The following LOC122539214 variants were observed in gnomAD, a reference collection of about 807,000 sequenced individuals.
chr19:52,678,180 C>T, the LOC122539214 span, among the ~76,000 whole-genome samples: 2 of 151,874 alleles, frequency 1.3e-5, no homozygotes, highest in African/African-American at 4.8e-5. Flanking sequence ...AGGCCAGGCT[C>T]GGTGGCTCAA....
At chr19:52,681,844 CCTT>C in the LOC122539214 span, among the ~76,000 whole-genome samples, 1 of 152,078 alleles carries the variant, frequency 6.6e-6, no homozygotes, top group East Asian at 1.9e-4. Context: ...ACTGTACAAT[CCTT>C]CTTACTATTT....
At chr19:52,683,546 C>G in the LOC122539214 span, among the ~76,000 whole-genome samples, 2 of 142,434 alleles carry the variant, frequency 1.4e-5, no homozygotes, top group African/African-American at 5.5e-5. Flanking sequence ...AGTCCCTGCC[C>G]ATAATGGCCA....
chr19:52,673,872 C>T, the LOC122539214 span, among the ~76,000 whole-genome samples: 4 of 151,336 alleles, frequency 2.6e-5, no homozygotes, highest in South Asian at 2.1e-4. Context: ...AAAAATTAAC[C>T]GGGCCTGGTG....
At chr19:52,664,996 T>G in the LOC122539214 span, among the ~76,000 whole-genome samples, 1 of 152,054 alleles carries the variant, frequency 6.6e-6, no homozygotes, top group African/African-American at 2.4e-5. Flanking sequence ...TTTTAGCAAT[T>G]TAATTCCAAA....
At chr19:52,674,728 C>A in the LOC122539214 span, among the ~76,000 whole-genome samples, 2 of 152,112 alleles carry the variant, frequency 1.3e-5, no homozygotes, top group Non-Finnish European at 2.9e-5. Flanking sequence ...GAAGTTTCTA[C>A]CTTGAAATCT....
At chr19:52,654,377 A>G in the LOC122539214 span, 3 of 1,188,970 alleles carry the variant, frequency 2.5e-6, no homozygotes, top group African/African-American at 4.6e-5. Flanking sequence ...GTTGATGAGA[A>G]CTCCGTCATG....
chr19:52,687,430 ATT>A, the LOC122539214 span, among the ~76,000 whole-genome samples: 524 of 21,216 alleles, frequency 0.025, 209 homozygotes, highest in African/African-American at 0.12. Flanking sequence ...ATAAATTATA[ATT>A]TATATAGCTA....
chr19:52,681,937 G>C, the LOC122539214 span, among the ~76,000 whole-genome samples: 4 of 152,206 alleles, frequency 2.6e-5, no homozygotes, highest in East Asian at 7.7e-4. Flanking sequence ...AACCTCGTTT[G>C]CCCAGGTCTA....
the LOC122539214 span, among the ~76,000 whole-genome samples, chr19:52,683,601 G>A: frequency 1.3e-4 from 19 of 151,804 alleles, no homozygotes; most frequent in Non-Finnish European, 2.9e-5. Flanking sequence ...CCTGGGAGCT[G>A]GAGTGAGGCA....
chr19:52,678,628 G>T, the LOC122539214 span, among the ~76,000 whole-genome samples: 1 of 151,928 alleles, frequency 6.6e-6, no homozygotes, highest in African/African-American at 2.4e-5. Flanking sequence ...ACTAGCAAAT[G>T]CCAGGCCCTC....
At chr19:52,653,143 T>C in the LOC122539214 span, 1 of 1,472,284 alleles carries the variant, frequency 6.8e-7, no homozygotes, top group Non-Finnish European at 9.5e-7. Context: ...CTCATGACAG[T>C]TGTAAGGTTT....
At chr19:52,659,020 C>T in the LOC122539214 span, among the ~76,000 whole-genome samples, 3 of 152,144 alleles carry the variant, frequency 2.0e-5, no homozygotes, top group African/African-American at 7.2e-5. Flanking sequence ...CCCAGCAGGA[C>T]TGGCAAAGCA....
chr19:52,661,109 C>A, the LOC122539214 span, among the ~76,000 whole-genome samples: 6 of 152,020 alleles, frequency 3.9e-5, no homozygotes, highest in Non-Finnish European at 5.9e-5. Flanking sequence ...GAGATCTGCC[C>A]ACCTCAGCCT....
At chr19:52,684,315 G>A in the LOC122539214 span, among the ~76,000 whole-genome samples, 14 of 150,640 alleles carry the variant, frequency 9.3e-5, no homozygotes, top group African/African-American at 2.7e-4. Flanking sequence ...GTAGTGAGCC[G>A]AGATCACACC....
At chr19:52,669,369 C>A in the LOC122539214 span, among the ~76,000 whole-genome samples, 2 of 152,124 alleles carry the variant, frequency 1.3e-5, no homozygotes, top group Non-Finnish European at 2.9e-5. Flanking sequence ...TGGTGGGTGA[C>A]AATTAATAAA....
At chr19:52,666,002 CAA>C in the LOC122539214 span, among the ~76,000 whole-genome samples, 1 of 144,326 alleles carries the variant, frequency 6.9e-6, no homozygotes, top group African/African-American at 2.5e-5. Flanking sequence ...ACTAAAAATA[CAA>C]AAAAAAAAAA....
the LOC122539214 span, among the ~76,000 whole-genome samples, chr19:52,657,833 G>A: frequency 6.7e-6 from 1 of 149,790 alleles, no homozygotes; most frequent in Admixed American, 6.7e-5. Context: ...GGCAACAAGA[G>A]AAAAACTCTG....
chr19:52,653,229 G>C, the LOC122539214 span: 3 of 1,534,502 alleles, frequency 2.0e-6, no homozygotes, highest in South Asian at 2.2e-5. Flanking sequence ...CATTACACTT[G>C]TAAGGTTTCT....
At chr19:52,688,864 G>A in the LOC122539214 span, among the ~76,000 whole-genome samples, 1 of 147,356 alleles carries the variant, frequency 6.8e-6, no homozygotes, top group Non-Finnish European at 1.5e-5. Context: ...CTCACATCAA[G>A]AACGGTTACA....
Sources: allele counts gnomAD v4.1 joint callset (sites outside exome capture counted in the v4.1 genomes callset), GRCh38; gene constraint gnomAD v4.1.1; transcripts MANE v1.5.